Variants in PTK2B observed in about 807,000 individuals in gnomAD.
PTK2B encodes the protein protein tyrosine kinase 2 beta, also known as protein-tyrosine kinase 2-beta.
In PTK2B, 71 loss-of-function variants were observed where a neutral mutation model predicts 142.9. The ratio of observed to expected loss-of-function variants is 0.50; its 90% CI spans 0.41 to 0.61. The LOEUF (loss-of-function observed/expected upper bound fraction) is 0.61. Ranked by LOEUF, PTK2B falls within the 20% of genes least tolerant of loss-of-function variation. The pLI is 0.00. For synonymous variants in PTK2B, 519 were observed against 503.4 expected (o/e 1.03, Z -0.42); for missense variants, 1,105 against 1,320.4 (o/e 0.84, Z 2.53).
intron 1 of PTK2B, among the ~76,000 whole-genome samples, chr8:27,348,266 C>T (rs1052828697): frequency 4.6e-5 from 7 of 152,196 alleles, no homozygotes; most frequent in East Asian, 1.9e-4. Flanking sequence ...TCCTGTGTTA[C>T]GAATACTCAA....
At chr8:27,452,392 A>C (rs1234160602) in intron 27 of PTK2B, 2 of 152,180 alleles carry the variant, frequency 1.3e-5, no homozygotes, top group Non-Finnish European at 2.9e-5. Flanking sequence ...GCAACATAGC[A>C]AGACCCCATC....
chr8:27,439,338 A>G lies in PTK2B; in HGVS notation c.1774A>G (p.Met592Val). 1.9e-6 allele frequency: 3 copies of G among 1,614,006 alleles called. No individual in the cohort carries two copies. The highest frequency in any genetic ancestry group is 1.1e-5 in the South Asian group (1 of 91,068). Reference sequence around the variant, plus strand: ...TGTGACTCGTCTCCCCATCAAATGGATGTCCCCAGAGTCCATTAACTTCCG... The same window carrying G: ...TGTGACTCGTCTCCCCATCAAATGGGTGTCCCCAGAGTCCATTAACTTCCG... ...ASVTRLPIKW[M>V]SPESINFRRF... is the part of the protein sequence containing the mutation. Residue 592 changes from methionine to valine, a missense_variant, in exon 20 of 31, where the codon ATG becomes GTG. Physicochemically the swap from Met to Val is conservative, Grantham distance 21. Coordinates refer to ENST00000346049, the MANE Select transcript of PTK2B (RefSeq NM_173176.3).
intron 1 of PTK2B, among the ~76,000 whole-genome samples, chr8:27,340,769 C>T (rs1804347852): frequency 1.3e-5 from 2 of 152,194 alleles, no homozygotes; most frequent in South Asian, 4.1e-4. Context: ...GTGGGAGGTG[C>T]CAGCCCTCCA....
chr8:27,338,256 T>C (rs1804194606), intron 1 of PTK2B, among the ~76,000 whole-genome samples: 1 of 152,208 alleles, frequency 6.6e-6, no homozygotes, highest in Non-Finnish European at 1.5e-5. Context: ...TTTTAGACAA[T>C]GATCTTTTAA....
At chr8:27,398,691 A>G (rs1808207451) in intron 2 of PTK2B, among the ~76,000 whole-genome samples, 1 of 152,214 alleles carries the variant, frequency 6.6e-6, no homozygotes. Flanking sequence ...AACTTTTGGG[A>G]AAGCTAATCA....
intron 5 of PTK2B, among the ~76,000 whole-genome samples, chr8:27,426,234 C>A (rs1772836268): frequency 6.6e-6 from 1 of 152,202 alleles, no homozygotes; most frequent in Non-Finnish European, 1.5e-5. Flanking sequence ...AAAAAAGTAA[C>A]CAACTGGATT....
At chr8:27,353,410 A>G (rs1805211201) in intron 1 of PTK2B, among the ~76,000 whole-genome samples, 3 of 152,166 alleles carry the variant, frequency 2.0e-5, no homozygotes, top group Non-Finnish European at 2.9e-5. Context: ...TTGCTTACCA[A>G]TCTGCTGTGA....
upstream of PTK2B, chr8:27,311,300 C>G (rs996143469): frequency 2.4e-5 from 34 of 1,441,862 alleles, no homozygotes; most frequent in Non-Finnish European, 3.1e-5. Context: ...GCCCGGCTGC[C>G]AACGCCCGCG....
At chr8:27,338,033 G>T (rs1489935994) in intron 1 of PTK2B, among the ~76,000 whole-genome samples, 1 of 152,168 alleles carries the variant, frequency 6.6e-6, no homozygotes, top group African/African-American at 2.4e-5. Context: ...ACTTGTTGTT[G>T]TCTGTAATTT....
intron 22 of PTK2B, 146 bp from the exon 23 acceptor site, chr8:27,444,060 C>A: frequency 1.2e-6 from 1 of 807,410 alleles, no homozygotes. Flanking sequence ...TAAATGGATG[C>A]AAAATGAGTT....
intron 11 of PTK2B, 105 bp from the exon 12 acceptor site, chr8:27,433,988 C>A: frequency 7.1e-7 from 1 of 1,399,072 alleles, no homozygotes; most frequent in Non-Finnish European, 1.0e-6. Context: ...GAATTAGGGG[C>A]TGGGATGGGA....
intron 2 of PTK2B, among the ~76,000 whole-genome samples, chr8:27,407,515 A>G (rs1260007225): frequency 6.6e-6 from 1 of 152,144 alleles, no homozygotes; most frequent in Admixed American, 6.5e-5. Flanking sequence ...TGCTGGCTCC[A>G]GCTCACAAAG....
upstream of PTK2B, chr8:27,310,763 A>G: frequency 2.0e-6 from 3 of 1,537,874 alleles, no homozygotes; most frequent in Non-Finnish European, 2.6e-6. Flanking sequence ...CGGGTTCCAG[A>G]CCCGGCTCGG....
chr8:27,445,144 A>T (rs1811385659), intron 23 of PTK2B, among the ~76,000 whole-genome samples: 1 of 152,174 alleles, frequency 6.6e-6, no homozygotes, highest in African/African-American at 2.4e-5. Flanking sequence ...GTGAGATGGG[A>T]GGATTCATTG....
chr8:27,386,116 T>A (rs1190173099), intron 1 of PTK2B, among the ~76,000 whole-genome samples: 1 of 152,208 alleles, frequency 6.6e-6, no homozygotes, highest in African/African-American at 2.4e-5. Flanking sequence ...TAAATTTCAT[T>A]CTCTGTCACT....
At chr8:27,442,799 G>A (rs564094917) in intron 21 of PTK2B, 76 bp from the exon 22 acceptor site, 24 of 1,311,156 alleles carry the variant, frequency 1.8e-5, no homozygotes, top group Middle Eastern at 3.7e-4. Flanking sequence ...GGGCCTCCAC[G>A]AAGTACAAAG....
chr8:27,404,106 C>A (rs1046526449), intron 2 of PTK2B, among the ~76,000 whole-genome samples: 1 of 152,100 alleles, frequency 6.6e-6, no homozygotes, highest in Admixed American at 6.6e-5. Context: ...TCAAATGTAT[C>A]ATGATATGGG....
chr8:27,333,060 G>A (rs1803854731), intron 1 of PTK2B, among the ~76,000 whole-genome samples: 2 of 152,228 alleles, frequency 1.3e-5, no homozygotes, highest in African/African-American at 4.8e-5. Context: ...TCTGGCTATG[G>A]ACTCTGGGAA....
intron 1 of PTK2B, among the ~76,000 whole-genome samples, chr8:27,329,085 G>A (rs1001922652): frequency 5.3e-5 from 8 of 152,004 alleles, no homozygotes; most frequent in African/African-American, 1.7e-4. Flanking sequence ...TTACAGGCAC[G>A]CACCACCACG....
Sources: gnomAD v4.1 joint callset for allele counts (sites outside exome capture counted in the v4.1 genomes callset) on GRCh38, gnomAD v4.1.1 for gene constraint, MANE v1.5 for transcripts, NCBI Gene and HGNC (gene_info 2026-07-23, HGNC 2026-07-21) for gene names.